Variants in PRTG observed in about 807,000 individuals in gnomAD.
PRTG encodes the protein immunoglobulin superfamily, DCC subclass, member 5.
PRTG carries 67 observed loss-of-function variants against 122.5 expected under a neutral mutation model. That is an observed-to-expected ratio of 0.55 (90% confidence interval 0.45 to 0.67). The LOEUF is 0.67. Among genes scored for constraint, PRTG ranks in the 30% least tolerant of loss-of-function variants. The probability of loss-of-function intolerance (pLI) is 0.00; values close to 1 mark genes in which losing one functional copy is unlikely to be tolerated. For synonymous variants in PRTG, 554 were observed against 501.1 expected (o/e 1.11, Z -1.41); for missense variants, 1,435 against 1,415.4 (o/e 1.01, Z -0.22).
chr15:55,636,171 T>C (rs79981232), intron 15 of PRTG, among the ~76,000 whole-genome samples: 92 of 152,164 alleles, frequency 6.0e-4, no homozygotes, highest in Non-Finnish European at 1.1e-3. Flanking sequence ...GTAAGAAACC[T>C]AAAAACTTTG....
chr15:55,656,312 T>G, intron 11 of PRTG: 1 of 454,254 alleles, frequency 2.2e-6, no homozygotes, highest in South Asian at 1.6e-5. Context: ...GTGGAATGTC[T>G]CACAATCCGG....
intron 11 of PRTG, chr15:55,656,321 G>T (rs140263228): frequency 2.2e-6 from 1 of 454,502 alleles, no homozygotes; most frequent in Non-Finnish European, 4.4e-6. Context: ...CTCACAATCC[G>T]GACTTATCTG....
chr15:55,742,552 C>A, intron 1 of PRTG: 1 of 418,052 alleles, frequency 2.4e-6, no homozygotes, highest in Non-Finnish European at 4.2e-6. Flanking sequence ...CCAGAGTGGA[C>A]AGCGGCCGCC....
intron 2 of PRTG, among the ~76,000 whole-genome samples, chr15:55,717,913 G>C (rs1218242102): frequency 6.6e-6 from 1 of 152,084 alleles, no homozygotes; most frequent in South Asian, 2.1e-4. Context: ...ACATGGACGC[G>C]CATGAAAGTT....
Position 55,679,767 on chromosome 15 carries a change from A to T in PRTG, c.973+287T>A, listed in dbSNP as rs961478793. The T allele has an allele frequency of 1.4e-5, 6 of 430,236 alleles. No homozygotes were observed. In the Admixed American group the frequency reaches 2.3e-4, roughly 17 times the overall value. 26.7% of individuals were successfully genotyped at this position (430,236 alleles called of 1,614,324 possible). ...GCAATAATCAAGAGATTAAATTTTT[A>T]AATTGGCAAATAGGTACACGGATAT... On this transcript the variant is annotated intron_variant, in intron 6 of 19. Coordinates refer to ENST00000389286, the MANE Select transcript of PRTG (RefSeq NM_173814.6).
chr15:55,689,541 T>C (rs2059588689), intron 2 of PRTG, among the ~76,000 whole-genome samples: 1 of 151,560 alleles, frequency 6.6e-6, no homozygotes, highest in Admixed American at 6.6e-5. Flanking sequence ...ATGTAAATTA[T>C]GAGTTGATGG....
At position 55,634,121 on chromosome 15, in the gene PRTG, G is replaced by A. The variant is rs1183033339; in HGVS notation, c.2623+3049C>T. Among the ~76,000 whole-genome samples, 4 of 141,624 alleles carry A rather than the reference G, an allele frequency of 2.8e-5. No individual in the cohort carries two copies. The Admixed American group carries it at 3.0e-4, about 11-fold the overall frequency. The allele number at this position is 141,624 out of a possible 152,430, so 92.9% of individuals were successfully genotyped here. Reference sequence around the variant, plus strand: ...TCACTCTTGTTGACCAGGCTGGAGTGCAATGGCATTATCTCGGTTCACCAC... The same window carrying A: ...TCACTCTTGTTGACCAGGCTGGAGTACAATGGCATTATCTCGGTTCACCAC... On this transcript the variant is annotated intron_variant, in intron 15 of 19. Coordinates refer to ENST00000389286, the MANE Select transcript of PRTG (RefSeq NM_173814.6).
Position 55,639,702 on chromosome 15 carries a change from T to C in PRTG, c.2264A>G (p.Tyr755Cys). The C allele has an allele frequency of 6.2e-7, 1 of 1,614,080 alleles. No homozygotes were observed. Among genetic ancestry groups the C allele is most frequent in the Non-Finnish European group, 8.5e-7 (1 of 1,180,010 alleles). The change falls in exon 13 of 20, where the codon TAC becomes TGC. Residue 755 changes from tyrosine to cysteine, a missense_variant. By Grantham distance (194) the Tyr-to-Cys change is radical (BLOSUM62 -2). Coordinates refer to ENST00000389286, the MANE Select transcript of PRTG (RefSeq NM_173814.6). ...GCCAACAGGATTACAGCGGATGGTG[T>C]AGTTAATGATTTGTGCAGCGGTGAA... Reference protein sequence around the residue: ...PAFTAAQIINYTIRCNPVGLQ... With the variant: ...PAFTAAQIINCTIRCNPVGLQ...
At chr15:55,650,590 G>C (rs2059348128) in intron 11 of PRTG, among the ~76,000 whole-genome samples, 1 of 152,130 alleles carries the variant, frequency 6.6e-6, no homozygotes, top group South Asian at 2.1e-4. Flanking sequence ...AGAGCTTTGA[G>C]AGCCATTGTG....
chr15:55,697,535 G>A (rs957175709), intron 2 of PRTG, among the ~76,000 whole-genome samples: 1 of 152,154 alleles, frequency 6.6e-6, no homozygotes, highest in Non-Finnish European at 1.5e-5. Flanking sequence ...TGTTTGAGAT[G>A]GAGTCTTGCA....
chr15:55,678,679 T>C (rs1342382336), intron 7 of PRTG, among the ~76,000 whole-genome samples: 1 of 152,240 alleles, frequency 6.6e-6, no homozygotes, highest in Non-Finnish European at 1.5e-5. Context: ...ATATTTGTGA[T>C]ATTCAAATGC....
chr15:55,626,124 G>T (rs986076064), intron 17 of PRTG, among the ~76,000 whole-genome samples: 4 of 152,134 alleles, frequency 2.6e-5, no homozygotes, highest in Non-Finnish European at 5.9e-5. Flanking sequence ...CTAAGAAAAT[G>T]AGGATACTAG....
intron 2 of PRTG, among the ~76,000 whole-genome samples, chr15:55,706,475 G>A (rs1038287666): frequency 2.6e-5 from 4 of 151,418 alleles, no homozygotes; most frequent in Middle Eastern, 3.4e-3. Context: ...GAGGGTGGCC[G>A]GGCACAGTGG....
intron 11 of PRTG, among the ~76,000 whole-genome samples, chr15:55,659,941 A>ACAAAACAAAG (rs1350424622): frequency 6.6e-6 from 1 of 151,740 alleles, no homozygotes; most frequent in Non-Finnish European, 1.5e-5. Flanking sequence ...ACAAAACAAA[A>ACAAAACAAAG]CAAAACAAAA....
chr15:55,734,435 T>A (rs1180925223), intron 2 of PRTG, among the ~76,000 whole-genome samples: 1 of 152,126 alleles, frequency 6.6e-6, no homozygotes, highest in Non-Finnish European at 1.5e-5. Flanking sequence ...TAATATTGCT[T>A]CAAGAAGTAA....
intron 12 of PRTG, among the ~76,000 whole-genome samples, 170 bp downstream of exon 12, chr15:55,640,943 G>A (rs1241670995): frequency 6.6e-6 from 1 of 151,762 alleles, no homozygotes; most frequent in African/African-American, 2.4e-5. Context: ...GCTTGAACCC[G>A]GGAGGCAACA....
At chr15:55,638,773 T>C in intron 13 of PRTG, 97 bp from the exon 14 acceptor site, 1 of 1,005,204 alleles carries the variant, frequency 9.9e-7, no homozygotes, top group South Asian at 1.7e-5. Flanking sequence ...ATAATGTTAT[T>C]TTTCATTACC....
chr15:55,656,692 C>T (rs1480446780), intron 11 of PRTG, among the ~76,000 whole-genome samples: 4 of 152,200 alleles, frequency 2.6e-5, no homozygotes, highest in Non-Finnish European at 4.4e-5. Flanking sequence ...GTATTTTTAG[C>T]AGAGACAGGG....
chr15:55,725,379 C>CA (rs1595679260), intron 2 of PRTG, among the ~76,000 whole-genome samples: 1 of 151,604 alleles, frequency 6.6e-6, no homozygotes, highest in African/African-American at 2.4e-5. Flanking sequence ...AAATGAGAGA[C>CA]AAAAAAAGGT....
Sources: allele counts gnomAD v4.1 joint callset (sites outside exome capture counted in the v4.1 genomes callset), GRCh38; gene constraint gnomAD v4.1.1; transcripts MANE v1.5; gene names NCBI Gene and HGNC (gene_info 2026-07-23, HGNC 2026-07-21).